The following KIAA1217 variants were observed in gnomAD, a reference collection of about 807,000 sequenced individuals.
KIAA1217 encodes the protein KIAA1217.
A neutral mutation model predicts 163.9 loss-of-function variants in KIAA1217; 88 were observed. That is an observed-to-expected ratio of 0.54 (90% confidence interval 0.45 to 0.64). The LOEUF is 0.64. KIAA1217 is among the 30% of genes least tolerant of loss of function. KIAA1217 has a pLI of 0.00. For missense variants in KIAA1217, 2,372 were observed against 2,475.0 expected, an observed-to-expected ratio of 0.96 and a Z score of 0.88; for synonymous variants, 903 against 923.1, an observed-to-expected ratio of 0.98 and a Z score of 0.39.
At chr10:24,108,703 A>T (rs1403831167) in intron 2 of KIAA1217, among the ~76,000 whole-genome samples, 1 of 152,206 alleles carries the variant, frequency 6.6e-6, no homozygotes, top group Non-Finnish European at 1.5e-5. Flanking sequence ...GATACTTGAT[A>T]AGTCTATTCA....
intron 2 of KIAA1217, among the ~76,000 whole-genome samples, chr10:24,088,952 A>G (rs1209019866): frequency 8.0e-6 from 1 of 124,444 alleles, no homozygotes; most frequent in Non-Finnish European, 2.0e-5. Flanking sequence ...CCTCTCTAGC[A>G]CCTGTTGTTT....
chr10:23,948,499 G>T (rs1012077241), intron 1 of KIAA1217, among the ~76,000 whole-genome samples: 1 of 152,058 alleles, frequency 6.6e-6, no homozygotes. Flanking sequence ...ATTTAGTGAG[G>T]TTTTTTGTGA....
chr10:23,819,852 AT>A (rs963116506), intron 1 of KIAA1217, among the ~76,000 whole-genome samples: 2 of 152,102 alleles, frequency 1.3e-5, no homozygotes, highest in Non-Finnish European at 2.9e-5. Flanking sequence ...CACCTGAGTC[AT>A]TTTTTTAGCG....
chr10:24,099,588 A>ATATAT (rs1564700277), intron 2 of KIAA1217, among the ~76,000 whole-genome samples: 190 of 141,136 alleles, frequency 1.3e-3, no homozygotes, highest in African/African-American at 4.9e-3. Context: ...TATATATATT[A>ATATAT]TATATATATA....
At chr10:23,793,626 C>T (rs1836063833) in intron 1 of KIAA1217, among the ~76,000 whole-genome samples, 1 of 152,198 alleles carries the variant, frequency 6.6e-6, no homozygotes, top group Non-Finnish European at 1.5e-5. Context: ...AGTCCGCTGC[C>T]TGAAACACAC....
intron 5 of KIAA1217, among the ~76,000 whole-genome samples, chr10:24,445,118 T>A (rs540436637): frequency 6.6e-6 from 1 of 152,300 alleles, no homozygotes; most frequent in South Asian, 2.1e-4. Flanking sequence ...ACATATTATT[T>A]AAATTAGTCA....
intron 1 of KIAA1217, among the ~76,000 whole-genome samples, chr10:23,789,162 AG>A (rs574066938): frequency 0.02 from 3,016 of 152,304 alleles, 44 homozygotes; most frequent in Non-Finnish European, 0.031. Context: ...TATTTTATTA[AG>A]GTTTTTTTGT....
chr10:24,345,252 A>G (rs919977408), intron 2 of KIAA1217, among the ~76,000 whole-genome samples: 3 of 152,254 alleles, frequency 2.0e-5, no homozygotes, highest in African/African-American at 7.2e-5. Flanking sequence ...GGCAGATGGC[A>G]CTTAGGGACA....
intron 2 of KIAA1217, among the ~76,000 whole-genome samples, chr10:24,276,234 C>T (rs376488219): frequency 2.8e-4 from 42 of 152,136 alleles, no homozygotes; most frequent in African/African-American, 9.9e-4. Flanking sequence ...GATCATCCAT[C>T]TTATTGATGC....
chr10:24,537,639 T>C (rs975922612), intron 17 of KIAA1217, among the ~76,000 whole-genome samples: 2 of 151,946 alleles, frequency 1.3e-5, no homozygotes. Context: ...AGAAAGTATC[T>C]ACCACCACAC....
intron 6 of KIAA1217, among the ~76,000 whole-genome samples, chr10:24,486,308 A>G (rs2065390886): frequency 1.3e-5 from 2 of 152,198 alleles, no homozygotes; most frequent in Admixed American, 6.5e-5. Context: ...TCAAAGTGAG[A>G]GTCCCTAAGA....
chr10:24,476,209 C>T (rs56129171), intron 6 of KIAA1217, among the ~76,000 whole-genome samples: 1 of 152,200 alleles, frequency 6.6e-6, no homozygotes, highest in East Asian at 1.9e-4. Flanking sequence ...CAGAACCTAG[C>T]TCAGTGTCAT....
At chr10:23,856,513 C>A (rs564331709) in intron 1 of KIAA1217, among the ~76,000 whole-genome samples, 2 of 152,206 alleles carry the variant, frequency 1.3e-5, no homozygotes, top group African/African-American at 2.4e-5. Flanking sequence ...TCTCCAGCTG[C>A]GTGCTGGGAG....
intron 6 of KIAA1217, among the ~76,000 whole-genome samples, chr10:24,478,316 T>C (rs186358730): frequency 6.6e-6 from 1 of 152,358 alleles, no homozygotes; most frequent in East Asian, 1.9e-4. Context: ...GACTAAGTAA[T>C]TGAGTCTTCA....
chr10:24,203,745 G>A (rs4601664), intron 2 of KIAA1217, among the ~76,000 whole-genome samples: 2,098 of 152,294 alleles, frequency 0.014, 17 homozygotes, highest in Middle Eastern at 0.088. Context: ...TCATATTCTC[G>A]TGGATTCCAC....
intron 2 of KIAA1217, among the ~76,000 whole-genome samples, chr10:24,074,439 T>C (rs1412205678): frequency 2.6e-5 from 4 of 152,192 alleles, no homozygotes; most frequent in Admixed American, 1.3e-4. Context: ...TTTCATTTTC[T>C]GTCCATATTA....
chr10:23,976,368 G>A (rs1387606089), intron 1 of KIAA1217, among the ~76,000 whole-genome samples: 1 of 152,038 alleles, frequency 6.6e-6, no homozygotes, highest in Non-Finnish European at 1.5e-5. Flanking sequence ...ATTATAAATG[G>A]TCTATTCTCA....
intron 1 of KIAA1217, among the ~76,000 whole-genome samples, chr10:23,980,334 G>A (rs1289944183): frequency 6.6e-6 from 1 of 152,146 alleles, no homozygotes; most frequent in East Asian, 1.9e-4. Context: ...TCTGGAGACT[G>A]TTTTTCTGAG....
At chr10:24,500,900 C>G (rs1460360762) in intron 8 of KIAA1217, among the ~76,000 whole-genome samples, 1 of 152,022 alleles carries the variant, frequency 6.6e-6, no homozygotes, top group East Asian at 1.9e-4. Flanking sequence ...CTGGGCAATA[C>G]GGTGAGACCC....
Sources: gnomAD v4.1 joint callset for allele counts (sites outside exome capture counted in the v4.1 genomes callset) on GRCh38, gnomAD v4.1.1 for gene constraint, MANE v1.5 for transcripts, NCBI Gene and HGNC (gene_info 2026-07-23, HGNC 2026-07-21) for gene names.